Variants in HELLS observed in about 807,000 individuals in gnomAD.
HELLS encodes helicase, lymphoid specific, also known as lymphoid-specific helicase.
In HELLS, 32 loss-of-function variants were observed where a neutral mutation model predicts 120.0. The ratio of observed to expected loss-of-function variants is 0.27; its 90% CI spans 0.20 to 0.36. The LOEUF (loss-of-function observed/expected upper bound fraction) is 0.36. Among genes scored for constraint, HELLS ranks in the 10% least tolerant of loss-of-function variants. HELLS has a pLI of 1.00. For missense variants in HELLS, 650 were observed against 993.4 expected (o/e 0.65, Z 4.65); for synonymous variants, 341 against 323.4 (o/e 1.05, Z -0.58).
rs112890331 is a variant in HELLS, at chr10:94,611,489, C to T, written c.*1638C>T. On this transcript the variant is annotated 3_prime_UTR_variant, in exon 10 of 10. Coordinates refer to the HELLS transcript ENST00000371327. ...AATTAGTATACTACCAAAGAAAGTA[C>T]TTGAGCAGAAGAGCCAAAATTCAAA... 456 of 152,222 alleles carry T rather than the reference C, an allele frequency of 3.0e-3. 1 individual carries two copies. Among genetic ancestry groups the T allele is most frequent in the African/African-American group, 0.011 (439 of 41,542 alleles). The allele number at this position is 152,222 out of a possible 1,614,324, so 9.4% of individuals were successfully genotyped here. A position where few individuals can be genotyped will look rare whatever the true frequency, so the allele number is the denominator to read the frequency against.
intron 19 of HELLS, 145 bp from the exon 20 acceptor site, chr10:94,596,715 G>A (rs966455650): frequency 2.0e-5 from 11 of 540,018 alleles, no homozygotes; most frequent in Non-Finnish European, 3.0e-5. Context: ...TACCAGCGAA[G>A]CCTGAGAGCT....
At chr10:94,559,778 A>T (rs2134011781) in intron 4 of HELLS, among the ~76,000 whole-genome samples, 1 of 152,278 alleles carries the variant, frequency 6.6e-6, no homozygotes, top group South Asian at 2.1e-4. Flanking sequence ...CATATATATT[A>T]AATAAGATAT....
chr10:94,560,557 G>A (rs1001538196), intron 4 of HELLS, among the ~76,000 whole-genome samples: 2 of 151,836 alleles, frequency 1.3e-5, no homozygotes, highest in Non-Finnish European at 2.9e-5. Flanking sequence ...TTAGCTGGGC[G>A]TGGTGGTGTG....
chr10:94,598,740 A>C (rs577368220), intron 21 of HELLS, among the ~76,000 whole-genome samples: 1 of 152,124 alleles, frequency 6.6e-6, no homozygotes, highest in South Asian at 2.1e-4. Flanking sequence ...AATTTTAACA[A>C]ATTTTTTTCT....
At chr10:94,559,503 TG>T (rs1421743010) in intron 4 of HELLS, among the ~76,000 whole-genome samples, 1 of 151,954 alleles carries the variant, frequency 6.6e-6, no homozygotes, top group Non-Finnish European at 1.5e-5. Flanking sequence ...TGGAGTGCAG[TG>T]GTGCAATCTT....
chr10:94,590,770 AT>A lies in HELLS; in HGVS notation c.1764del (p.Phe588LeufsTer8). 1 of 1,500,352 alleles carries A rather than the reference AT, an allele frequency of 6.7e-7. No homozygotes were observed. Among genetic ancestry groups the A allele is most frequent in the Non-Finnish European group, 9.1e-7 (1 of 1,095,738 alleles). The allele number at this position is 1,500,352 out of a possible 1,614,324, so 92.9% of individuals were successfully genotyped here. On this transcript the variant is annotated frameshift_variant, in exon 15 of 22. Transcript: ENST00000348459. LOFTEE classifies it high-confidence loss of function. ...ATCCTATAGACCCTGTTACACAAGA[AT>A]TTAAGGTGAATACTGTTTAATTCTA... ...EYPIDPVTQE[F>X]KIDEELVTNS...
At chr10:94,577,810 C>T (rs1414367884) in intron 10 of HELLS, among the ~76,000 whole-genome samples, 1 of 152,020 alleles carries the variant, frequency 6.6e-6, no homozygotes, top group Admixed American at 6.6e-5. Flanking sequence ...GCCTGTAATC[C>T]CAGCACTTTG....
chr10:94,570,301 A>T (rs1162353177), intron 6 of HELLS: 1 of 151,942 alleles, frequency 6.6e-6, no homozygotes, highest in Non-Finnish European at 1.5e-5. Context: ...ATAGATTTTG[A>T]TTTATTTCCA....
At chr10:94,582,328 A>G (rs1478195862) in intron 11 of HELLS, among the ~76,000 whole-genome samples, 2 of 152,186 alleles carry the variant, frequency 1.3e-5, no homozygotes, top group East Asian at 3.8e-4. Flanking sequence ...TTACAGTGTC[A>G]AGGTAGGAGT....
Position 94,562,027 on chromosome 10 carries a change from C to T in HELLS, c.334-664C>T, listed in dbSNP as rs563367406. 6.0e-5 allele frequency among the ~76,000 whole-genome samples: 9 copies of T among 151,060 alleles called. No individual in the cohort carries two copies. In the East Asian group the frequency reaches 8.2e-4, roughly 14 times the overall value. Reference sequence around the variant, plus strand: ...TGATCTCCTGACCTCATGATCTGCCCGCCTCTGCCTCCCAAAGTGCTGGGA... The same window carrying T: ...TGATCTCCTGACCTCATGATCTGCCTGCCTCTGCCTCCCAAAGTGCTGGGA... On this transcript the variant is annotated intron_variant, in intron 4 of 21. Transcript: ENST00000348459.
In HELLS at chr10:94,592,293, T is replaced by TA; in HGVS notation, c.1840dup (p.Arg614LysfsTer33). ...ATTTTGGATCGAATGCTGCCAGAAC[T>TA]AAAAAAAAGAGGTCACAAGGTGGTA... On this transcript the variant is annotated frameshift_variant, in exon 16 of 22. Transcript: ENST00000348459. LOFTEE classifies it high-confidence loss of function. 20 of 1,608,566 alleles carry TA rather than the reference T, an allele frequency of 1.2e-5. No individual in the cohort carries two copies. Among genetic ancestry groups the TA allele is most frequent in the Admixed American group, 5.0e-5 (3 of 59,460 alleles).
intron 3 of HELLS, among the ~76,000 whole-genome samples, chr10:94,556,470 A>C (rs1843270275): frequency 6.6e-6 from 1 of 152,168 alleles, no homozygotes; most frequent in African/African-American, 2.4e-5. Context: ...ATTGACATAC[A>C]CTAAACTGCA....
chr10:94,550,313 C>G (rs536786394), intron 2 of HELLS, among the ~76,000 whole-genome samples: 1 of 151,718 alleles, frequency 6.6e-6, no homozygotes, highest in South Asian at 2.1e-4. Context: ...GAGTCTCCCT[C>G]TGTCACCCAG....
At chr10:94,571,191 A>G in intron 6 of HELLS, 197 bp from the exon 7 acceptor site, 2 of 432,166 alleles carry the variant, frequency 4.6e-6, no homozygotes, top group Non-Finnish European at 8.3e-6. Context: ...AGTGTTCCCA[A>G]ATTAGCCTAG....
chr10:94,606,289 T>A (rs963060355), downstream of HELLS, among the ~76,000 whole-genome samples: 1 of 152,082 alleles, frequency 6.6e-6, no homozygotes, highest in Non-Finnish European at 1.5e-5. Context: ...GGGGATTTTT[T>A]AGAATGATTT....
chr10:94,575,663 C>T (rs1323541266), intron 9 of HELLS, among the ~76,000 whole-genome samples: 2 of 151,568 alleles, frequency 1.3e-5, no homozygotes, highest in East Asian at 3.9e-4. Context: ...CCTTGTGATC[C>T]GCCCACCTTG....
rs1239862266 is a variant in HELLS at position 94,590,756 on chromosome 10, C to A, written c.1747C>A (p.Pro583Thr). ...ATATTTGATTGAATATCCTATAGAC[C>A]CTGTTACACAAGAATTTAAGGTGAA... ...HPYLIEYPID[P>T]VTQEFKIDEE... is the part of the protein sequence containing the mutation. The change falls in exon 15 of 22, where the codon CCT becomes ACT. Residue 583 changes from proline to threonine, a missense_variant. Around this residue, in one of 9 missense-constraint regions of HELLS, gnomAD observed 191 missense variants for 259.7 expected, o/e 0.74. Transcript: ENST00000348459. 6.5e-7 allele frequency: 1 copy of A among 1,536,558 alleles called. No homozygotes were observed. Among genetic ancestry groups the A allele is most frequent in the Admixed American group, 1.9e-5 (1 of 53,426 alleles).
chr10:94,580,116 AGTATAT>A (rs1425646000), intron 10 of HELLS, among the ~76,000 whole-genome samples: 1 of 51,676 alleles, frequency 1.9e-5, no homozygotes, highest in Non-Finnish European at 3.5e-5. Flanking sequence ...CCATTATAAA[AGTATAT>A]ATATATATAT....
At chr10:94,593,044 A>C (rs955952108) in intron 17 of HELLS, among the ~76,000 whole-genome samples, 2 of 152,180 alleles carry the variant, frequency 1.3e-5, no homozygotes, top group Non-Finnish European at 2.9e-5. Context: ...TTTTGGGGTA[A>C]AATTTACACA....
Sources: gnomAD v4.1 joint callset for allele counts (sites outside exome capture counted in the v4.1 genomes callset) on GRCh38, gnomAD v4.1.1 for gene constraint, gnomAD v4.1.1 regional missense constraint, MANE v1.5 for transcripts, NCBI Gene and HGNC (gene_info 2026-07-23, HGNC 2026-07-21) for gene names.